ESPN: variants seen among roughly 807,000 people sequenced by gnomAD.
ESPN encodes the protein espin.
In ESPN, 68 loss-of-function variants were observed where a neutral mutation model predicts 77.7. The ratio of observed to expected loss-of-function variants is 0.87; its 90% CI spans 0.72 to 1.07. The LOEUF (loss-of-function observed/expected upper bound fraction) is 1.07, where lower values mean the gene tolerates loss of function less well. Among genes scored for constraint, ESPN ranks in the 50% least tolerant of loss-of-function variants. The probability of loss-of-function intolerance (pLI) is 0.00; values close to 1 mark genes in which losing one functional copy is unlikely to be tolerated. For synonymous variants in ESPN, 449 were observed against 567.1 expected, an observed-to-expected ratio of 0.79 and a Z score of 2.96; for missense variants, 1,060 against 1,239.0, an observed-to-expected ratio of 0.86 and a Z score of 2.17.
intron 10 of ESPN, among the ~76,000 whole-genome samples, chr1:6,452,998 T>C (rs1210608507): frequency 6.6e-6 from 1 of 152,142 alleles, no homozygotes; most frequent in Non-Finnish European, 1.5e-5. Context: ...GTTCAAGCGA[T>C]TCTCCCGCCT....
At chr1:6,431,206 A>G (rs1261753682) in intron 2 of ESPN, among the ~76,000 whole-genome samples, 1 of 152,192 alleles carries the variant, frequency 6.6e-6, no homozygotes, top group Non-Finnish European at 1.5e-5. Flanking sequence ...GCTGCCAGTC[A>G]CAGCAAGCTG....
At position 6,447,178 on chromosome 1, in the gene ESPN, G is replaced by T. The variant is rs550741062; in HGVS notation, c.1464+1243G>T. On this transcript the variant is annotated intron_variant, in intron 7 of 12. Coordinates refer to ENST00000645284, the MANE Select transcript of ESPN (RefSeq NM_031475.3). The surrounding 1 kb of genome is among the most constrained non-coding windows in gnomAD (Gnocchi z 5.2). Reference sequence around the variant, plus strand: ...GTGTGCGTCCCTCCGGGCTGTGTGCGCCCCTCCCGGCTGTGTGCGCCCCTC... The same window carrying T: ...GTGTGCGTCCCTCCGGGCTGTGTGCTCCCCTCCCGGCTGTGTGCGCCCCTC... Among the ~76,000 whole-genome samples, 117 of 151,552 alleles carry T rather than the reference G, an allele frequency of 7.7e-4. No homozygotes were observed. Among genetic ancestry groups the T allele is most frequent in the African/African-American group, 2.7e-3 (113 of 41,174 alleles).
intron 2 of ESPN, among the ~76,000 whole-genome samples, chr1:6,431,189 C>T (rs61780707): frequency 0.064 from 9,674 of 152,240 alleles, 381 homozygotes; most frequent in East Asian, 0.15. Context: ...CCCCTGGGCT[C>T]GTGGGTGCTG....
At chr1:6,440,008 CAA>C (rs61328926) in intron 2 of ESPN, among the ~76,000 whole-genome samples, 1 of 148,342 alleles carries the variant, frequency 6.7e-6, no homozygotes, top group African/African-American at 2.5e-5. Flanking sequence ...GACTTCTTCT[CAA>C]AAAAAAAAGT....
At chr1:6,440,519 C>T in intron 3 of ESPN, 79 bp downstream of exon 3, 4 of 292,844 alleles carry the variant, frequency 1.4e-5, no homozygotes, top group Non-Finnish European at 1.3e-5. Flanking sequence ...GCGGGGCCAT[C>T]AGGGGTGGGG....
chr1:6,444,721 A>G (rs1643765631), intron 6 of ESPN, 39 bp downstream of exon 6: 1 of 1,608,538 alleles, frequency 6.2e-7, no homozygotes, highest in African/African-American at 1.3e-5. Flanking sequence ...GGGAGAGCAG[A>G]CTGAAGCCAG....
intron 8 of ESPN, among the ~76,000 whole-genome samples, chr1:6,449,575 C>T (rs1643910729): frequency 6.6e-6 from 1 of 152,320 alleles, no homozygotes; most frequent in African/African-American, 2.4e-5. Flanking sequence ...CCACGTCTTT[C>T]TCTTGTCCTT....
At chr1:6,454,387 C>T (rs1283623187) in intron 10 of ESPN, 1 of 398,766 alleles carries the variant, frequency 2.5e-6, no homozygotes, top group African/African-American at 2.1e-5. Context: ...GGAGCTAGGC[C>T]AGAGGGAGAC....
In ESPN at chr1:6,450,050, CCTT is replaced by C. The variant is rs567277774; in HGVS notation, c.1915+964_1915+966del. Among the ~76,000 whole-genome samples the C allele has an allele frequency of 4.5e-4, 68 of 152,334 alleles. No homozygotes were observed. Among genetic ancestry groups the C allele is most frequent in the African/African-American group, 1.2e-3 (48 of 41,576 alleles). On this transcript the variant is annotated intron_variant, in intron 8 of 12. Coordinates refer to ENST00000645284, the MANE Select transcript of ESPN (RefSeq NM_031475.3). This position sits in a 1 kb window ranked among gnomAD's most constrained non-coding sequence, Gnocchi z 4.3. ...AGCAAGTCCAGCACCTGCCGAACCT[CCTT>C]CTTCCCTCCACAGCCTGCAGCAGGG... is the stretch of plus-strand genomic sequence containing the variant.
In ESPN at chr1:6,460,236, G is replaced by A; in HGVS notation, c.*90G>A. ...CCAGGCCCTGGTGGAAAGGCTGGGA[G>A]CCGCACAGCCCTCCCCTCCTGCGCT... On this transcript the variant is annotated 3_prime_UTR_variant, in exon 13 of 13. Transcript: ENST00000645284. 9 of 1,510,588 alleles carry A rather than the reference G, an allele frequency of 6.0e-6. No individual in the cohort carries two copies. The highest frequency in any genetic ancestry group is 8.1e-6 in the Non-Finnish European group (9 of 1,111,052). The allele number at this position is 1,510,588 out of a possible 1,614,324, so 93.6% of individuals were successfully genotyped here.
At chr1:6,448,390 G>C in intron 7 of ESPN, 1 of 467,364 alleles carries the variant, frequency 2.1e-6, no homozygotes, top group Non-Finnish European at 3.8e-6. Context: ...CCTCAGTGGG[G>C]GCCCCTGTGC....
intron 7 of ESPN, among the ~76,000 whole-genome samples, chr1:6,446,726 A>G (rs945180058): frequency 3.3e-5 from 5 of 152,136 alleles, no homozygotes; most frequent in Non-Finnish European, 7.4e-5. Context: ...GGATGGTCTA[A>G]GAGGTGAGGG....
At chr1:6,436,481 T>TA (rs1643440968) in intron 2 of ESPN, among the ~76,000 whole-genome samples, 3 of 111,812 alleles carry the variant, frequency 2.7e-5, no homozygotes, top group African/African-American at 1.4e-4. Flanking sequence ...GGGAATTTTT[T>TA]CTTATTTATT....
chr1:6,434,687 G>A (rs1382429699), intron 2 of ESPN, among the ~76,000 whole-genome samples: 3 of 152,156 alleles, frequency 2.0e-5, no homozygotes, highest in Admixed American at 6.5e-5. Flanking sequence ...CCAACTGCCC[G>A]GCCCGTCATC....
rs1235313070 is a variant in ESPN at position 6,457,256 on chromosome 1, GAA to G, written c.2399_2400del (p.Glu800GlyfsTer34). 6.2e-7 allele frequency: 1 copy of G among 1,614,082 alleles called. No homozygotes were observed. Among genetic ancestry groups the G allele is most frequent in the South Asian group, 1.1e-5 (1 of 91,082 alleles). ...RRDLLRKKLE[E>X]EREQKRKEEE... ...GGACCTCCTGCGGAAGAAGCTGGAAGAAGAGAGGTGAGCTGGGGGTCAGGCAG... is the reference window on the plus strand; with the variant it reads ...GGACCTCCTGCGGAAGAAGCTGGAAGGAGAGGTGAGCTGGGGGTCAGGCAG... On this transcript the variant is annotated frameshift_variant, in exon 11 of 13. Coordinates refer to ENST00000645284, the MANE Select transcript of ESPN (RefSeq NM_031475.3). LOFTEE classifies it high-confidence loss of function.
rs149033367 is a variant in ESPN, at chr1:6,448,565, A to G, written c.1465-76A>G. 0.089 allele frequency: 118,616 copies of G among 1,331,428 alleles called. 14,198 individuals are homozygous for G. The highest frequency in any genetic ancestry group is 0.59 in the African/African-American group (37,741 of 64,038). 82.5% of individuals were successfully genotyped at this position (1,331,428 alleles called of 1,614,324 possible). A position where few individuals can be genotyped will look rare whatever the true frequency, so the allele number is the denominator to read the frequency against. ...GCTGGCCGCGAGTCCCCAGGAGGTG[A>G]AGAGCTGGGTGGGGAGGCGTGGGGG... On this transcript the variant is annotated intron_variant, in intron 7 of 12. Transcript: ENST00000645284.
At chr1:6,429,162 A>G (rs1210510988) in intron 2 of ESPN, among the ~76,000 whole-genome samples, 1 of 151,728 alleles carries the variant, frequency 6.6e-6, no homozygotes, top group Non-Finnish European at 1.5e-5. Flanking sequence ...TCCTGGGGAA[A>G]GCTGCCCAGG....
In ESPN at chr1:6,424,872, C is replaced by T. The variant is rs1035663879; in HGVS notation, c.-84C>T. On this transcript the variant is annotated 5_prime_UTR_variant, in exon 1 of 13. Transcript: ENST00000645284. ...CCGCAGATCCCCGACGGCCGCACCG[C>T]GGGCTCCTCTGGCCCGCAAGAACAC... 3 of 1,262,578 alleles carry T rather than the reference C, an allele frequency of 2.4e-6. No individual in the cohort carries two copies. Among genetic ancestry groups the T allele is most frequent in the Non-Finnish European group, 3.0e-6 (3 of 995,074 alleles). The allele number at this position is 1,262,578 out of a possible 1,614,324, so 78.2% of individuals were successfully genotyped here. A position where few individuals can be genotyped will look rare whatever the true frequency, so the allele number is the denominator to read the frequency against.
chr1:6,445,896 C>T lies in ESPN; in HGVS notation c.1425C>T (p.Asn475=). The part of the protein sequence containing the change: ...QAADIYMQTK[N]KLRHVETEAL... The stretch of plus-strand genomic sequence containing the variant: ...CTGACATCTACATGCAGACCAAGAA[C>T]AAACTCCGCCACGTGGAGACAGAGG... Residue 475 remains asparagine, a synonymous_variant, in exon 7 of 13, where the codon AAC becomes AAT. Transcript: ENST00000645284. The T allele has an allele frequency of 6.2e-7, 1 of 1,612,148 alleles. No individual in the cohort carries two copies. The highest frequency in any genetic ancestry group is 1.1e-5 in the South Asian group (1 of 90,976).
Sources: gnomAD v4.1 joint callset for allele counts (sites outside exome capture counted in the v4.1 genomes callset) on GRCh38, gnomAD v4.1.1 for gene constraint, Gnocchi (gnomAD v3.1) non-coding constraint, MANE v1.5 for transcripts, NCBI Gene and HGNC (gene_info 2026-07-23, HGNC 2026-07-21) for gene names.